TOP2A: variants seen among roughly 807,000 people sequenced by gnomAD.
TOP2A encodes the protein DNA topoisomerase II alpha.
A neutral mutation model predicts 187.2 loss-of-function variants in TOP2A; 68 were observed. The observed-to-expected ratio is 0.36, with a 90% CI of 0.30 to 0.44. The LOEUF is 0.44. TOP2A is among the 20% of genes least tolerant of loss of function. The pLI is 1.00. For synonymous variants in TOP2A, 542 were observed against 593.2 expected (o/e 0.91, Z 1.25); for missense variants, 1,196 against 1,808.7 (o/e 0.66, Z 6.14).
intron 33 of TOP2A, 23 bp downstream of exon 33, chr17:40,391,483 C>T (rs2143619820): frequency 5.0e-6 from 8 of 1,597,188 alleles, no homozygotes; most frequent in Non-Finnish European, 6.8e-6. Context: ...CAACATTAAC[C>T]CATCTCAAAG....
chr17:40,400,052 C>T lies in TOP2A; in HGVS notation c.3016G>A (p.Val1006Ile), dbSNP rs564747456. The change falls in exon 24 of 35, where the codon GTA (valine) becomes ATA (isoleucine). Residue 1006 changes from valine to isoleucine, a missense_variant. Val to Ile is a conservative substitution (Grantham distance 29). Around this residue, in one of 10 missense-constraint regions of TOP2A, gnomAD observed 232 missense variants for 306.1 expected, o/e 0.76. Coordinates refer to ENST00000423485, the MANE Select transcript of TOP2A (RefSeq NM_001067.4). ...TCNSMVLFDH[V>I]GCLKKYDTVL... Reference sequence around the variant, plus strand: ...GTGTCATATTTCTTTAAACAGCCTACGTGGTCAAAAAGCACCTGAAAAAGG... The same window carrying T: ...GTGTCATATTTCTTTAAACAGCCTATGTGGTCAAAAAGCACCTGAAAAAGG... 16 of 1,605,372 alleles carry T rather than the reference C, an allele frequency of 1.0e-5. No individual in the cohort carries two copies. The highest frequency in any genetic ancestry group is 2.7e-5 in the African/African-American group (2 of 74,360).
At chr17:40,415,834 G>T (rs1330472505) in intron 4 of TOP2A, among the ~76,000 whole-genome samples, 171 bp downstream of exon 4, 1 of 152,076 alleles carries the variant, frequency 6.6e-6, no homozygotes, top group Non-Finnish European at 1.5e-5. Context: ...AAAAACGTTG[G>T]CAACTGTTGG....
chr17:40,406,953 T>A lies in TOP2A; in HGVS notation c.1627-11A>T, dbSNP rs774408181. 1.9e-6 allele frequency: 3 copies of A among 1,572,572 alleles called. No individual in the cohort carries two copies. Among genetic ancestry groups the A allele is most frequent in the Non-Finnish European group, 2.6e-6 (3 of 1,155,110 alleles). ...GGAACCATCTTGGTCCTAGAAAGAT[T>A]TGAAAGCCAAAGTTCAAAAGAACTG... On this transcript the variant is annotated splice_polypyrimidine_tract_variant and intron_variant, in intron 13 of 34. Transcript: ENST00000423485.
intron 4 of TOP2A, 67 bp downstream of exon 4, chr17:40,415,938 G>A: frequency 8.9e-7 from 1 of 1,121,934 alleles, no homozygotes; most frequent in South Asian, 1.4e-5. Context: ...AACTTCACCA[G>A]TAATCAAAAT....
chr17:40,392,762 AC>A (rs1430188805), intron 29 of TOP2A, 25 bp from the exon 30 acceptor site: 2 of 1,578,578 alleles, frequency 1.3e-6, no homozygotes, highest in South Asian at 2.3e-5. Flanking sequence ...GAAATTAATC[AC>A]CTTTATATAT....
chr17:40,395,085 C>A (rs146118252), intron 29 of TOP2A, among the ~76,000 whole-genome samples: 3 of 151,964 alleles, frequency 2.0e-5, no homozygotes, highest in African/African-American at 7.3e-5. Context: ...GAGTTTGAGA[C>A]CAGCCTGACT....
In TOP2A at chr17:40,404,479, C is replaced by T. The variant is rs747054164; in HGVS notation, c.2059G>A (p.Gly687Arg). The T allele has an allele frequency of 5.0e-5, 80 of 1,598,448 alleles. No individual in the cohort carries two copies. Among genetic ancestry groups the T allele is most frequent in the Admixed American group, 1.7e-4 (10 of 59,390 alleles). ...LLGLPEDYLY[G>R]QTTTYLTYND... ...TATGTCAGATATGTGGTAGTTTGTC[C>T]ATACAAGTAATCCTGAAGGACCAAA... Residue 687 changes from glycine to arginine, a missense_variant, in exon 18 of 35, where the codon GGA becomes AGA. Gly to Arg is a moderately radical substitution (Grantham distance 125). Transcript: ENST00000423485.
intron 19 of TOP2A, 32 bp downstream of exon 19, chr17:40,404,120 A>G (rs772214570): frequency 6.2e-7 from 1 of 1,608,838 alleles, no homozygotes; most frequent in Admixed American, 1.7e-5. Flanking sequence ...TTCTGATATA[A>G]TGCTTTCTGG....
At chr17:40,408,415 A>G (rs2035274817) in intron 11 of TOP2A, 77 bp downstream of exon 11, 8 of 1,395,076 alleles carry the variant, frequency 5.7e-6, no homozygotes, top group African/African-American at 1.4e-5. Flanking sequence ...GGAAAAATAA[A>G]TATCCGTGGT....
chr17:40,413,368 G>C, intron 5 of TOP2A, 76 bp from the exon 6 acceptor site: 1 of 1,397,012 alleles, frequency 7.2e-7, no homozygotes, highest in Non-Finnish European at 9.8e-7. Context: ...CACTGGCAGA[G>C]CTATTCAATT....
rs1175218016 is a variant in TOP2A, at chr17:40,388,882, T to C, written c.*637A>G. 5.0e-6 allele frequency: 1 copy of C among 201,646 alleles called. No homozygotes were observed. The highest frequency in any genetic ancestry group is 2.3e-5 in the African/African-American group (1 of 43,552). 12.5% of individuals were successfully genotyped at this position (201,646 alleles called of 1,614,324 possible). On this transcript the variant is annotated 3_prime_UTR_variant, in exon 35 of 35. Coordinates refer to ENST00000423485, the MANE Select transcript of TOP2A (RefSeq NM_001067.4). Reference sequence around the variant, plus strand: ...AGCTGAAATAATCACATAACTACTCTAATTTTCTTCATTCTATTGACTGTG... The same window carrying C: ...AGCTGAAATAATCACATAACTACTCCAATTTTCTTCATTCTATTGACTGTG...
At chr17:40,407,896 G>A (rs2035267896) in intron 12 of TOP2A, 71 bp downstream of exon 12, 1 of 1,428,414 alleles carries the variant, frequency 7.0e-7, no homozygotes, top group Non-Finnish European at 9.5e-7. Flanking sequence ...CCTAATGAGG[G>A]AATTAAATAT....
rs778739783 is a variant in TOP2A at position 40,412,990 on chromosome 17, G to A, written c.577-19C>T. 3 of 1,585,042 alleles carry A rather than the reference G, an allele frequency of 1.9e-6. No individual in the cohort carries two copies. On this transcript the variant is annotated intron_variant, in intron 6 of 34. Coordinates refer to ENST00000423485, the MANE Select transcript of TOP2A (RefSeq NM_001067.4). Reference sequence around the variant, plus strand: ...TCCATGTCTATGGAAGTAAAGAATAGGAAACATGAAAAATTCAAGTCATCT... The same window carrying A: ...TCCATGTCTATGGAAGTAAAGAATAAGAAACATGAAAAATTCAAGTCATCT...
chr17:40,406,735 C>A (rs755140923), intron 14 of TOP2A, 46 bp from the exon 15 acceptor site: 8 of 1,579,482 alleles, frequency 5.1e-6, no homozygotes, highest in Non-Finnish European at 7.0e-6. Context: ...TGTGGGGTCC[C>A]CTGTATACCA....
rs1239967215 is a variant in TOP2A, at chr17:40,413,180, C to T, written c.576+15G>A. ...TACCATTTATCATTAAGGTACAAGA[C>T]ACTTATTTACTTGCCTGTTTGAACA... On this transcript the variant is annotated intron_variant, in intron 6 of 34. Transcript: ENST00000423485. 6.6e-7 allele frequency: 1 copy of T among 1,525,410 alleles called. No homozygotes were observed. The highest frequency in any genetic ancestry group is 8.9e-7 in the Non-Finnish European group (1 of 1,123,022). 94.5% of individuals were successfully genotyped at this position (1,525,410 alleles called of 1,614,324 possible).
chr17:40,405,301 C>A (rs1288148258), intron 16 of TOP2A, among the ~76,000 whole-genome samples: 1 of 152,028 alleles, frequency 6.6e-6, no homozygotes, highest in Non-Finnish European at 1.5e-5. Context: ...AGGCACGTGC[C>A]ACCACACCCA....
In TOP2A at chr17:40,404,052, A is replaced by C. The variant is rs374216067; in HGVS notation, c.2283+100T>G. ...AGGTTTTACCAACTTGTTCTTTACT[A>C]TGAATATATGAGCTTATACTTTCAC... On this transcript the variant is annotated intron_variant, in intron 19 of 34. Transcript: ENST00000423485. 1,903 of 1,439,240 alleles carry C rather than the reference A, an allele frequency of 1.3e-3. 45 individuals are homozygous for C. The South Asian group carries it at 0.025, about 19-fold the overall frequency. 89.2% of individuals were successfully genotyped at this position (1,439,240 alleles called of 1,614,324 possible). A position where few individuals can be genotyped will look rare whatever the true frequency, so the allele number is the denominator to read the frequency against.
chr17:40,395,465 T>C lies in TOP2A; in HGVS notation c.3795A>G (p.Lys1265=), dbSNP rs2035082988. 3 of 1,608,500 alleles carry C rather than the reference T, an allele frequency of 1.9e-6. No individual in the cohort carries two copies. Among genetic ancestry groups the C allele is most frequent in the Non-Finnish European group, 2.5e-6 (3 of 1,176,908 alleles). ...LEGLKQRLEK[K]QKREPGTKTK... ...TTGTAATACCTGGTTCTCTTTTCTG[T>C]TTCTTTTCTAATCTTTGTTTTAGGC... The change falls in exon 29 of 35, where the codon AAA becomes AAG. Residue 1265 remains lysine (K), a synonymous_variant. Coordinates refer to ENST00000423485, the MANE Select transcript of TOP2A (RefSeq NM_001067.4).
chr17:40,408,598 T>G lies in TOP2A; in HGVS notation c.1236A>C (p.Leu412=), dbSNP rs1374663747. Residue 412 remains leucine (L), a synonymous_variant, in exon 11 of 35, where the codon CTA becomes CTC. Coordinates refer to ENST00000423485, the MANE Select transcript of TOP2A (RefSeq NM_001067.4). ...CTTGGGCCTTAAACTTCACCCAGTT[T>G]AGTATGCTTTCTACAATACCACAGC... The part of the protein sequence containing the change: ...AIGCGIVESI[L]NWVKFKAQVQ... 1 of 1,613,870 alleles carries G rather than the reference T, an allele frequency of 6.2e-7. No individual in the cohort carries two copies. Among genetic ancestry groups the G allele is most frequent in the African/African-American group, 1.3e-5 (1 of 75,014 alleles).
Sources: allele counts gnomAD v4.1 joint callset (sites outside exome capture counted in the v4.1 genomes callset), GRCh38; gene constraint gnomAD v4.1.1; regional missense constraint gnomAD v4.1.1; transcripts MANE v1.5; gene names NCBI Gene and HGNC (gene_info 2026-07-23, HGNC 2026-07-21).